The following KLB variants were observed in gnomAD, a reference collection of about 807,000 sequenced individuals.
KLB encodes the protein klotho beta.
In KLB, 44 loss-of-function variants were observed where a neutral mutation model predicts 88.4. The observed-to-expected ratio is 0.50, with a 90% confidence interval of 0.39 to 0.64. The LOEUF (loss-of-function observed/expected upper bound fraction) is 0.64, where lower values mean the gene tolerates loss of function less well. Among genes scored for constraint, KLB ranks in the 30% least tolerant of loss-of-function variants. KLB has a pLI of 0.00. For missense variants in KLB, 1,137 were observed against 1,304.8 expected, an observed-to-expected ratio of 0.87 and a Z score of 1.98; for synonymous variants, 548 against 513.4, an observed-to-expected ratio of 1.07 and a Z score of -0.91.
chr4:39,443,383 A>T lies in KLB; in HGVS notation c.1606-2949A>T, dbSNP rs543032719. The stretch of plus-strand genomic sequence containing the variant: ...TGTCCCTCCTCCCTACTCCCCCCAA[A>T]AAAAAGAAAAAAGAAAAAAAAAGGT... On this transcript the variant is annotated intron_variant, in intron 3 of 4. Coordinates refer to ENST00000257408, the MANE Select transcript of KLB (RefSeq NM_175737.4). Among the ~76,000 whole-genome samples, 7 of 150,124 alleles carry T rather than the reference A, an allele frequency of 4.7e-5. No homozygotes were observed. In the South Asian group the frequency reaches 1.5e-3, roughly 31 times the overall value.
chr4:39,427,262 T>G (rs1266302429), intron 1 of KLB, among the ~76,000 whole-genome samples: 2 of 152,094 alleles, frequency 1.3e-5, no homozygotes, highest in South Asian at 4.2e-4. Flanking sequence ...GCAGGCAGAT[T>G]GCTTGAGGTC....
intron 3 of KLB, among the ~76,000 whole-genome samples, chr4:39,439,711 A>G (rs1423523486): frequency 6.7e-6 from 1 of 149,004 alleles, no homozygotes; most frequent in Non-Finnish European, 1.5e-5. Context: ...CTCATCGCCC[A>G]GGCTGGAGTG....
intron 1 of KLB, among the ~76,000 whole-genome samples, chr4:39,422,422 C>G (rs140268010): frequency 6.6e-6 from 1 of 152,116 alleles, no homozygotes. Context: ...TAGCCTGGGC[C>G]TGATTCACCT....
chr4:39,444,919 TTA>T (rs1257752610), intron 3 of KLB, among the ~76,000 whole-genome samples: 1 of 152,152 alleles, frequency 6.6e-6, no homozygotes, highest in Non-Finnish European at 1.5e-5. Context: ...GAAAAAACAA[TTA>T]GAGGGAAGAT....
intron 1 of KLB, among the ~76,000 whole-genome samples, chr4:39,430,998 C>T (rs1279303606): frequency 6.6e-6 from 1 of 151,506 alleles, no homozygotes; most frequent in Admixed American, 6.6e-5. Flanking sequence ...CTCACTGCAA[C>T]CTCCGCCTCC....
At position 39,446,281 on chromosome 4, in the gene KLB, A is replaced by G; in HGVS notation, c.1606-51A>G. 1 of 1,515,770 alleles carries G rather than the reference A, an allele frequency of 6.6e-7. No individual in the cohort carries two copies. Among genetic ancestry groups the G allele is most frequent in the Non-Finnish European group, 9.0e-7 (1 of 1,114,106 alleles). The allele number at this position is 1,515,770 out of a possible 1,614,324, so 93.9% of individuals were successfully genotyped here. On this transcript the variant is annotated intron_variant, in intron 3 of 4. Transcript: ENST00000257408. The surrounding 1 kb of genome is among the most constrained non-coding windows in gnomAD (Gnocchi z 6.4). ...GAGGCAGAGGTAGGCAGATCACTTG[A>G]GCCTCCATCTGCCAGCGCATGCTTG...
chr4:39,409,802 T>A (rs1742801215), intron 1 of KLB, among the ~76,000 whole-genome samples: 1 of 151,748 alleles, frequency 6.6e-6, no homozygotes, highest in African/African-American at 2.4e-5. Context: ...CACGTGCCTA[T>A]AGTCCCAGTT....
intron 3 of KLB, among the ~76,000 whole-genome samples, chr4:39,445,871 G>C (rs1743733916): frequency 6.6e-6 from 1 of 151,956 alleles, no homozygotes; most frequent in Non-Finnish European, 1.5e-5. Flanking sequence ...AAAGCAAGGG[G>C]TCATTGCCTA....
intron 1 of KLB, among the ~76,000 whole-genome samples, chr4:39,420,935 G>C (rs899792656): frequency 2.0e-5 from 3 of 152,076 alleles, no homozygotes; most frequent in Non-Finnish European, 4.4e-5. Context: ...CACACCACGG[G>C]AAGTAACCAC....
At chr4:39,441,816 A>G (rs1743604440) in intron 3 of KLB, 1 of 152,014 alleles carries the variant, frequency 6.6e-6, no homozygotes, top group Admixed American at 6.5e-5. Flanking sequence ...ATAAAGATGA[A>G]TGGTTTGCCA....
intron 1 of KLB, among the ~76,000 whole-genome samples, chr4:39,424,106 G>T (rs1023898672): frequency 2.0e-5 from 3 of 151,808 alleles, no homozygotes; most frequent in Non-Finnish European, 4.4e-5. Flanking sequence ...GTCTCATTCT[G>T]TCACCCAAGC....
chr4:39,411,025 T>C (rs1327268953), intron 1 of KLB, among the ~76,000 whole-genome samples: 1 of 152,184 alleles, frequency 6.6e-6, no homozygotes, highest in African/African-American at 2.4e-5. Context: ...CACCTACTAA[T>C]GGATGAACCA....
chr4:39,436,560 G>A (rs1743476494), intron 2 of KLB, among the ~76,000 whole-genome samples: 2 of 152,056 alleles, frequency 1.3e-5, no homozygotes, highest in African/African-American at 4.8e-5. Context: ...CCTCATTTTA[G>A]GAAAAGAATG....
chr4:39,411,336 GATTTT>G (rs1182082212), intron 1 of KLB, among the ~76,000 whole-genome samples: 3 of 50,164 alleles, frequency 6.0e-5, no homozygotes, highest in Non-Finnish European at 1.2e-4. Flanking sequence ...GTTTTGTTTT[GATTTT>G]TTTTTTTTTT....
intron 1 of KLB, among the ~76,000 whole-genome samples, chr4:39,428,952 A>C (rs1743279467): frequency 6.6e-6 from 1 of 152,044 alleles, no homozygotes; most frequent in African/African-American, 2.4e-5. Flanking sequence ...AGGTGATCCC[A>C]CCCACCTCCA....
At chr4:39,442,105 G>A (rs1743610715) in intron 3 of KLB, among the ~76,000 whole-genome samples, 1 of 152,050 alleles carries the variant, frequency 6.6e-6, no homozygotes, top group South Asian at 2.1e-4. Flanking sequence ...GGTTGTGTGG[G>A]CCTGTAATTC....
intron 1 of KLB, among the ~76,000 whole-genome samples, chr4:39,419,189 G>C (rs928537398): frequency 6.6e-6 from 1 of 151,906 alleles, no homozygotes; most frequent in Admixed American, 6.6e-5. Flanking sequence ...TAACCATTAA[G>C]TAGAAAAAGT....
At chr4:39,426,027 C>T (rs552192442) in intron 1 of KLB, among the ~76,000 whole-genome samples, 167 of 151,814 alleles carry the variant, frequency 1.1e-3, no homozygotes, top group African/African-American at 3.5e-3. Context: ...CCGAGGCGGG[C>T]GGATCACTAT....
At chr4:39,411,037 C>A (rs991256954) in intron 1 of KLB, among the ~76,000 whole-genome samples, 5 of 151,814 alleles carry the variant, frequency 3.3e-5, no homozygotes, top group Non-Finnish European at 4.4e-5. Context: ...GATGAACCAA[C>A]TCTAAGTTTT....
Sources: allele counts gnomAD v4.1 joint callset (sites outside exome capture counted in the v4.1 genomes callset), GRCh38; gene constraint gnomAD v4.1.1; non-coding constraint Gnocchi (gnomAD v3.1); transcripts MANE v1.5; gene names NCBI Gene and HGNC (gene_info 2026-07-23, HGNC 2026-07-21).